Variants in PIEZO2 observed in about 807,000 individuals in gnomAD.
The protein encoded by PIEZO2 is piezo type mechanosensitive ion channel component 2, also known as piezo-type mechanosensitive ion channel component 2.
In PIEZO2, 172 loss-of-function variants were observed where a neutral mutation model predicts 337.3. That is an observed-to-expected ratio of 0.51 (90% CI 0.45 to 0.58). The LOEUF (loss-of-function observed/expected upper bound fraction) is 0.58, where lower values mean the gene tolerates loss of function less well. Ranked by LOEUF, PIEZO2 falls within the 20% of genes least tolerant of loss-of-function variation. PIEZO2 has a pLI of 0.00. For synonymous variants in PIEZO2, 1,251 were observed against 1,228.5 expected (o/e 1.02, Z -0.38); for missense variants, 3,028 against 3,391.3 (o/e 0.89, Z 2.66).
At chr18:10,706,471 C>T (rs73943374) in intron 40 of PIEZO2, among the ~76,000 whole-genome samples, 2,021 of 152,256 alleles carry the variant, frequency 0.013, 52 homozygotes, top group African/African-American at 0.045. Flanking sequence ...CTCCTTGGCC[C>T]TTCTCCCTTC....
At chr18:11,023,299 T>C (rs985874556) in intron 2 of PIEZO2, among the ~76,000 whole-genome samples, 2 of 152,116 alleles carry the variant, frequency 1.3e-5, no homozygotes, top group Non-Finnish European at 2.9e-5. Context: ...AGGGTGCTGA[T>C]TGGTGCATTT....
chr18:10,675,964 T>C (rs1307474763), intron 53 of PIEZO2, among the ~76,000 whole-genome samples: 1 of 152,188 alleles, frequency 6.6e-6, no homozygotes, highest in Non-Finnish European at 1.5e-5. Flanking sequence ...TCCCCAGCCA[T>C]GTGGAACTGT....
intron 17 of PIEZO2, among the ~76,000 whole-genome samples, chr18:10,780,615 C>T (rs1156307428): frequency 6.6e-6 from 1 of 151,574 alleles, no homozygotes; most frequent in African/African-American, 2.4e-5. Flanking sequence ...TCTCATCCCT[C>T]TCCATCTCAC....
At chr18:10,912,768 TG>T (rs1385551396) in intron 3 of PIEZO2, among the ~76,000 whole-genome samples, 1 of 152,186 alleles carries the variant, frequency 6.6e-6, no homozygotes, top group Non-Finnish European at 1.5e-5. Flanking sequence ...ATCATGATCA[TG>T]GGGTTTTGCC....
Position 10,673,304 on chromosome 18 carries a change from T to C in PIEZO2, c.8162-431A>G, listed in dbSNP as rs2033858858. ...ATTAGGTGCTAAAGGGTTCCAAAATTGCATATAACATTGTTCCTTATCTCC... is the reference window on the plus strand; with the variant it reads ...ATTAGGTGCTAAAGGGTTCCAAAATCGCATATAACATTGTTCCTTATCTCC... On this transcript the variant is annotated intron_variant, in intron 54 of 55. Transcript: ENST00000674853. The surrounding 1 kb of genome is among the most constrained non-coding windows in gnomAD (Gnocchi z 4.8). 6.6e-6 allele frequency among the ~76,000 whole-genome samples: 1 copy of C among 152,190 alleles called. No individual in the cohort carries two copies. Among genetic ancestry groups the C allele is most frequent in the South Asian group, 2.1e-4 (1 of 4,828 alleles).
At chr18:11,089,980 T>G (rs2039024284) in intron 1 of PIEZO2, among the ~76,000 whole-genome samples, 1 of 152,120 alleles carries the variant, frequency 6.6e-6, no homozygotes, top group African/African-American at 2.4e-5. Context: ...AGCATAAGAG[T>G]GTAATCAGAG....
Position 11,127,803 on chromosome 18 carries a change from A to ATGTGTGTGTGTGTGTGTG in PIEZO2, c.64+20704_64+20721dup, listed in dbSNP as rs34849868. 1.0e-4 allele frequency among the ~76,000 whole-genome samples: 15 copies of ATGTGTGTGTGTGTGTGTG among 146,830 alleles called. No individual in the cohort carries two copies. Among genetic ancestry groups the ATGTGTGTGTGTGTGTGTG allele is most frequent in the African/African-American group, 3.8e-4 (15 of 39,584 alleles). On this transcript the variant is annotated intron_variant, in intron 1 of 55. Transcript: ENST00000674853. This position sits in a 1 kb window ranked among gnomAD's most constrained non-coding sequence, Gnocchi z 4.5. ...TGCATATACGTGTGTGTGTGTGTGC[A>ATGTGTGTGTGTGTGTGTG]TGTGTGTGTGTGTGTGTGTGTGTAT...
At position 10,982,541 on chromosome 18, in the gene PIEZO2, T is replaced by TTG. The variant is rs2034709980; in HGVS notation, c.161-2882_161-2881insCA. ...TAGAAACTTTTACACCTTTGACAAGTATATTTCAAAATATGTAAGAAAAGA... is the reference window on the plus strand; with the variant it reads ...TAGAAACTTTTACACCTTTGACAAGTTGATATTTCAAAATATGTAAGAAAAGA... On this transcript the variant is annotated intron_variant, in intron 2 of 55. Transcript: ENST00000674853. The surrounding 1 kb of genome is among the most constrained non-coding windows in gnomAD (Gnocchi z 4.1). Among the ~76,000 whole-genome samples, 1 of 151,980 alleles carries TTG rather than the reference T, an allele frequency of 6.6e-6. No individual in the cohort carries two copies. Among genetic ancestry groups the TTG allele is most frequent in the Admixed American group, 6.6e-5 (1 of 15,262 alleles).
At chr18:10,712,089 A>T (rs2035843791) in intron 39 of PIEZO2, among the ~76,000 whole-genome samples, 2 of 152,238 alleles carry the variant, frequency 1.3e-5, no homozygotes, top group Admixed American at 6.5e-5. Flanking sequence ...GGGTTGTTTG[A>T]TCATGAATAG....
In PIEZO2 at chr18:10,731,541, T is replaced by TTATTTTC; in HGVS notation, c.4915-27_4915-21dup. On this transcript the variant is annotated intron_variant, in intron 35 of 55. Coordinates refer to ENST00000674853, the MANE Select transcript of PIEZO2 (RefSeq NM_001378183.1). ...AACAAACTGAAGGGAGAAAGTTCAA[T>TTATTTTC]TATTTTCTGGCCTTTTAATAATTTG... 2.1e-6 allele frequency: 3 copies of TTATTTTC among 1,453,624 alleles called. No homozygotes were observed. The highest frequency in any genetic ancestry group is 2.7e-6 in the Non-Finnish European group (3 of 1,091,036). The allele number at this position is 1,453,624 out of a possible 1,614,324, so 90.0% of individuals were successfully genotyped here.
In PIEZO2 at chr18:11,123,984, C is replaced by G. The variant is rs559753161; in HGVS notation, c.64+24541G>C. Among the ~76,000 whole-genome samples, 29 of 152,248 alleles carry G rather than the reference C, an allele frequency of 1.9e-4. No homozygotes were observed. The South Asian group carries it at 5.8e-3, about 30-fold the overall frequency. ...GATAATGTTAAATAGCTTGATTTAG[C>G]CCTTCAACGATGTATACTTACACTA... On this transcript the variant is annotated intron_variant, in intron 1 of 55. Coordinates refer to ENST00000674853, the MANE Select transcript of PIEZO2 (RefSeq NM_001378183.1).
chr18:10,951,512 A>G (rs2033294905), intron 3 of PIEZO2, among the ~76,000 whole-genome samples: 1 of 152,168 alleles, frequency 6.6e-6, no homozygotes, highest in Non-Finnish European at 1.5e-5. Flanking sequence ...GTTGCCAGAT[A>G]ATGTTTCTAA....
rs187588651 is a variant in PIEZO2, at chr18:11,033,541, C to T, written c.160+32586G>A. Among the ~76,000 whole-genome samples the T allele has an allele frequency of 1.1e-4, 16 of 152,304 alleles. No homozygotes were observed. Among genetic ancestry groups the T allele is most frequent in the African/African-American group, 1.4e-4 (6 of 41,552 alleles). ...TTGCCTCCAAGACACACTTAAGGAA[C>T]GCATTCCATGACACATGTTTGACTC... On this transcript the variant is annotated intron_variant, in intron 2 of 55. Transcript: ENST00000674853. The surrounding 1 kb of genome is among the most constrained non-coding windows in gnomAD (Gnocchi z 4.2).
intron 4 of PIEZO2, among the ~76,000 whole-genome samples, chr18:10,876,957 A>G (rs948018589): frequency 6.6e-6 from 1 of 152,190 alleles, no homozygotes; most frequent in Admixed American, 6.5e-5. Flanking sequence ...TTTGACAAGC[A>G]AGACCAACCC....
chr18:10,781,923 C>G lies in PIEZO2; in HGVS notation c.2493-1557G>C, dbSNP rs1042699347. Among the ~76,000 whole-genome samples the G allele has an allele frequency of 6.6e-6, 1 of 152,006 alleles. No individual in the cohort carries two copies. The highest frequency in any genetic ancestry group is 1.9e-4 in the East Asian group (1 of 5,184). On this transcript the variant is annotated intron_variant, in intron 17 of 55. Transcript: ENST00000674853. The surrounding 1 kb of genome is among the most constrained non-coding windows in gnomAD (Gnocchi z 4.1). ...CAGGAGCAGAGAAAGCAAAGCCTGA[C>G]AGTCAATCCTAACTCTCAAAATATT...
Position 11,132,500 on chromosome 18 carries a change from T to C in PIEZO2, c.64+16025A>G, listed in dbSNP as rs1394631700. Among the ~76,000 whole-genome samples, 1 of 152,088 alleles carries C rather than the reference T, an allele frequency of 6.6e-6. No homozygotes were observed. The highest frequency in any genetic ancestry group is 1.5e-5 in the Non-Finnish European group (1 of 68,016). ...GTATGCTCTGAATCAACATCCAATA[T>C]ATGGTACTGTTTCTCTCATAGCCAG... On this transcript the variant is annotated intron_variant, in intron 1 of 55. Transcript: ENST00000674853. The surrounding 1 kb of genome is among the most constrained non-coding windows in gnomAD (Gnocchi z 4.7).
At chr18:11,055,205 T>C (rs150904985) in intron 2 of PIEZO2, among the ~76,000 whole-genome samples, 4,626 of 94,880 alleles carry the variant, frequency 0.049, 291 homozygotes, top group African/African-American at 0.2. Context: ...AGTGAGACTC[T>C]GTCTCAAAAA....
chr18:11,011,320 G>T (rs1178401739), intron 2 of PIEZO2, among the ~76,000 whole-genome samples: 1 of 151,982 alleles, frequency 6.6e-6, no homozygotes, highest in Non-Finnish European at 1.5e-5. Flanking sequence ...AAATGTGATG[G>T]CATAAAGTTT....
At position 10,870,467 on chromosome 18, in the gene PIEZO2, T is replaced by G. The variant is rs558762238; in HGVS notation, c.492+786A>C. On this transcript the variant is annotated intron_variant, in intron 5 of 55. Transcript: ENST00000674853. This position sits in a 1 kb window ranked among gnomAD's most constrained non-coding sequence, Gnocchi z 5.3. ...TCCAAATAAAATAGTCACTTTTTCC[T>G]TTATAAATGTTATCTTTCCACTAAT... Among the ~76,000 whole-genome samples the G allele has an allele frequency of 2.0e-3, 310 of 151,432 alleles. 1 individual carries two copies. The highest frequency in any genetic ancestry group is 7.0e-3 in the African/African-American group (292 of 41,486).
Sources: gnomAD v4.1 joint callset for allele counts (sites outside exome capture counted in the v4.1 genomes callset) on GRCh38, gnomAD v4.1.1 for gene constraint, Gnocchi (gnomAD v3.1) non-coding constraint, MANE v1.5 for transcripts, NCBI Gene and HGNC (gene_info 2026-07-23, HGNC 2026-07-21) for gene names.